The following ADGRG1 variants were observed in gnomAD, a reference collection of about 807,000 sequenced individuals.
ADGRG1 encodes adhesion G protein-coupled receptor G1, also known as 7-transmembrane protein with no EGF-like N-terminal domains-1.
In ADGRG1, 53 loss-of-function variants were observed where a neutral mutation model predicts 73.5. The ratio of observed to expected loss-of-function variants is 0.72; its 90% CI spans 0.58 to 0.91. ADGRG1 has a LOEUF of 0.91. Among genes scored for constraint, ADGRG1 ranks in the 40% least tolerant of loss-of-function variants. The pLI, the probability that ADGRG1 is intolerant of heterozygous loss-of-function variation, is 0.00. For synonymous variants in ADGRG1, 394 were observed against 374.4 expected, an observed-to-expected ratio of 1.05 and a Z score of -0.60; for missense variants, 795 against 871.8, an observed-to-expected ratio of 0.91 and a Z score of 1.11.
At chr16:57,654,469 G>A (rs1392180366) in intron 5 of ADGRG1, among the ~76,000 whole-genome samples, 1 of 146,388 alleles carries the variant, frequency 6.8e-6, no homozygotes, top group African/African-American at 2.5e-5. Context: ...CCAGACTGGA[G>A]TACAGTGGGG....
intron 1 of ADGRG1, chr16:57,630,753 C>T (rs1024912400): frequency 4.1e-5 from 10 of 242,424 alleles, no homozygotes; most frequent in Non-Finnish European, 6.6e-5. Context: ...GGAGCCTCTG[C>T]GGAAGGCACT....
rs1295896344 is a variant in ADGRG1, at chr16:57,661,766, C to A, written c.1734C>A (p.Phe578Leu). Residue 578 changes from phenylalanine to leucine, a missense_variant, in exon 13 of 14, where the codon TTC becomes TTA. Physicochemically the swap from Phe to Leu is conservative, Grantham distance 22. Coordinates refer to ENST00000562631, the MANE Select transcript of ADGRG1 (RefSeq NM_201525.4). Reference protein sequence around the residue: ...NLGLFSLVFLFNMAMLATMVV... With the variant: ...NLGLFSLVFLLNMAMLATMVV... ...GCCTCTTCAGCCTGGTGTTTCTGTT[C>A]AACATGGCCATGCTAGCCACCATGG... The A allele has an allele frequency of 6.2e-7, 1 of 1,614,208 alleles. No individual in the cohort carries two copies. Among genetic ancestry groups the A allele is most frequent in the South Asian group, 1.1e-5 (1 of 91,082 alleles).
intron 1 of ADGRG1, chr16:57,632,374 CTCATCTG>C (rs2038198034): frequency 1.1e-6 from 1 of 942,806 alleles, no homozygotes. Context: ...CCTCGGTTTC[CTCATCTG>C]TAAACTGTGG....
chr16:57,656,520 G>C lies in ADGRG1; in HGVS notation c.1070G>C (p.Ser357Thr). ...CGTGCTGTCCCCTCCTCAGTGAGCA[G>C]CCCGGGGCATTGGAGCAGTGCTGGG... The part of the protein sequence containing the change: ...VFWVEDPTLS[S>T]PGHWSSAGCE... The change falls in exon 9 of 14, where the codon AGC (serine) becomes ACC (threonine). Residue 357 changes from serine to threonine, a missense_variant. Physicochemically the swap from Ser to Thr is moderately conservative, Grantham distance 58. Transcript: ENST00000562631. The C allele has an allele frequency of 6.2e-7, 1 of 1,612,834 alleles. No homozygotes were observed. Among genetic ancestry groups the C allele is most frequent in the Non-Finnish European group, 8.5e-7 (1 of 1,178,850 alleles).
chr16:57,631,126 G>A (rs2069673896), intron 1 of ADGRG1: 1 of 985,784 alleles, frequency 1.0e-6, no homozygotes. Context: ...TAAGGCTCAA[G>A]CTTGGGAGCA....
intron 1 of ADGRG1, among the ~76,000 whole-genome samples, chr16:57,648,969 A>G (rs1287449086): frequency 6.6e-6 from 1 of 152,254 alleles, no homozygotes; most frequent in African/African-American, 2.4e-5. Context: ...ATGGGTCAAC[A>G]GCAGTGCCCA....
Position 57,628,999 on chromosome 16 carries a change from T to G in ADGRG1, c.-36+197T>G. The G allele has an allele frequency of 6.2e-6, 3 of 485,624 alleles. 1 individual carries two copies. The highest frequency in any genetic ancestry group is 7.7e-6 in the Non-Finnish European group (3 of 388,068). 30.1% of individuals were successfully genotyped at this position (485,624 alleles called of 1,614,324 possible). ...GTGAGAGTGAGTGAGAATGTGAGTG[T>G]GAGTGTGAGAGTGTGACTGAGCGTT... On this transcript the variant is annotated intron_variant, in intron 1 of 13. Coordinates refer to ENST00000562631, the MANE Select transcript of ADGRG1 (RefSeq NM_201525.4).
At chr16:57,639,399 CA>C in intron 1 of ADGRG1, 1 of 985,486 alleles carries the variant, frequency 1.0e-6, no homozygotes, top group Non-Finnish European at 1.2e-6. Flanking sequence ...CAACGGTTGC[CA>C]GGGGCTGCTG....
chr16:57,632,270 G>A (rs2038162483), intron 1 of ADGRG1: 1 of 985,322 alleles, frequency 1.0e-6, no homozygotes, highest in Non-Finnish European at 1.2e-6. Flanking sequence ...CCACGCACCT[G>A]TAGGGTGACA....
At chr16:57,635,365 C>A in intron 1 of ADGRG1, 1 of 985,318 alleles carries the variant, frequency 1.0e-6, no homozygotes, top group South Asian at 4.7e-5. Context: ...CACGGTCTGT[C>A]CTCCAGCTCC....
chr16:57,653,882 C>T, intron 4 of ADGRG1, 104 bp from the exon 5 acceptor site: 1 of 1,598,988 alleles, frequency 6.3e-7, no homozygotes, highest in Non-Finnish European at 8.5e-7. Context: ...TCTGCCTCTG[C>T]CTCTTCCCTG....
At position 57,655,437 on chromosome 16, in the gene ADGRG1, G is replaced by A. The variant is rs1488480156; in HGVS notation, c.807G>A (p.Leu269=). ...QSEIMEYSVL[L]PRTLFQRTKG... The stretch of plus-strand genomic sequence containing the variant: ...AGATCATGGAGTACTCGGTGCTGCT[G>A]CCTCGAACACTCTTCCAGAGGACGA... The change falls in exon 6 of 14, where the codon CTG becomes CTA. Residue 269 remains leucine, a synonymous_variant. Coordinates refer to ENST00000562631, the MANE Select transcript of ADGRG1 (RefSeq NM_201525.4). The A allele has an allele frequency of 1.2e-6, 2 of 1,613,772 alleles. No individual in the cohort carries two copies. The highest frequency in any genetic ancestry group is 1.7e-6 in the Non-Finnish European group (2 of 1,180,012).
intron 2 of ADGRG1, chr16:57,621,724 C>T (rs886993213): frequency 3.1e-5 from 9 of 294,380 alleles, no homozygotes; most frequent in African/African-American, 1.6e-4. Context: ...ACCAGAGGCA[C>T]CTGACACCAG....
upstream of ADGRG1, chr16:57,622,808 G>A (rs1567654939): frequency 1.0e-6 from 1 of 985,390 alleles, no homozygotes; most frequent in Non-Finnish European, 1.2e-6. Context: ...TCAGGCAGCG[G>A]GGCACCCAGG....
intron 1 of ADGRG1, chr16:57,632,348 G>C: frequency 2.0e-6 from 2 of 982,960 alleles, no homozygotes; most frequent in Non-Finnish European, 2.4e-6. Flanking sequence ...TCTGGTTGTG[G>C]GAACATGGGC....
chr16:57,661,162 C>G, intron 12 of ADGRG1: 1 of 464,982 alleles, frequency 2.2e-6, no homozygotes, highest in Non-Finnish European at 2.8e-6. Flanking sequence ...ATGAGCCTCA[C>G]CACATTCCTC....
At position 57,665,110 on chromosome 16, in the gene ADGRG1, A is replaced by G. The variant is rs2048000117; in HGVS notation, c.*1528A>G. The G allele has an allele frequency of 6.6e-6, 1 of 151,978 alleles. No individual in the cohort carries two copies. Among genetic ancestry groups the G allele is most frequent in the Non-Finnish European group, 1.5e-5 (1 of 67,994 alleles). 9.4% of individuals were successfully genotyped at this position (151,978 alleles called of 1,614,324 possible). A position where few individuals can be genotyped will look rare whatever the true frequency, so the allele number is the denominator to read the frequency against. On this transcript the variant is annotated 3_prime_UTR_variant, in exon 14 of 14. Coordinates refer to ENST00000562631, the MANE Select transcript of ADGRG1 (RefSeq NM_201525.4). ...AAGAGTCACTGATACTAATACAAAT[A>G]CCTTGGGGCCAATCAGGAAACATGA...
upstream of ADGRG1, among the ~76,000 whole-genome samples, chr16:57,625,153 T>C (rs1265777846): frequency 6.6e-6 from 1 of 151,952 alleles, no homozygotes; most frequent in Non-Finnish European, 1.5e-5. Flanking sequence ...CCCCACACCA[T>C]CTCTGGACTC....
Position 57,656,526 on chromosome 16 carries a change from G to A in ADGRG1, c.1076G>A (p.Gly359Glu), listed in dbSNP as rs1223470373. 1.8e-5 allele frequency: 29 copies of A among 1,613,084 alleles called. No individual in the cohort carries two copies. Among genetic ancestry groups the A allele is most frequent in the Non-Finnish European group, 2.4e-5 (28 of 1,179,238 alleles). ...GTCCCCTCCTCAGTGAGCAGCCCGG[G>A]GCATTGGAGCAGTGCTGGGTGTGAG... Reference protein sequence around the residue: ...WVEDPTLSSPGHWSSAGCETV... With the variant: ...WVEDPTLSSPEHWSSAGCETV... Residue 359 changes from glycine (G) to glutamate (E), a missense_variant, in exon 9 of 14, where the codon GGG (glycine) becomes GAG (glutamate). By Grantham distance (98) the Gly-to-Glu change is moderately conservative. Coordinates refer to ENST00000562631, the MANE Select transcript of ADGRG1 (RefSeq NM_201525.4).
Sources: allele counts gnomAD v4.1 joint callset (sites outside exome capture counted in the v4.1 genomes callset), GRCh38; gene constraint gnomAD v4.1.1; transcripts MANE v1.5; gene names NCBI Gene and HGNC (gene_info 2026-07-23, HGNC 2026-07-21).